SUCLG1: variants seen among roughly 807,000 people sequenced by gnomAD.
SUCLG1 encodes succinate-CoA ligase GDP/ADP-forming subunit alpha.
SUCLG1 carries 26 observed loss-of-function variants against 37.3 expected under a neutral mutation model. That is an observed-to-expected ratio of 0.70 (90% CI 0.51 to 0.97). The LOEUF (loss-of-function observed/expected upper bound fraction) is 0.97, where lower values mean the gene tolerates loss of function less well. SUCLG1 is among the 50% of genes least tolerant of loss of function. The probability of loss-of-function intolerance (pLI) is 0.00; values close to 1 mark genes in which losing one functional copy is unlikely to be tolerated. For synonymous variants in SUCLG1, 163 were observed against 155.6 expected (o/e 1.05, Z -0.36); for missense variants, 433 against 432.9 (o/e 1.00, Z 0.00).
At chr2:84,449,793 A>T in intron 1 of SUCLG1, 41 bp from the exon 2 acceptor site, 1 of 1,382,748 alleles carries the variant, frequency 7.2e-7, no homozygotes, top group Non-Finnish European at 1.0e-6. Flanking sequence ...AAAAAGACAC[A>T]TTATAATTTT....
chr2:84,436,450 G>A (rs1232754723), intron 5 of SUCLG1, among the ~76,000 whole-genome samples: 1 of 152,128 alleles, frequency 6.6e-6, no homozygotes, highest in Non-Finnish European at 1.5e-5. Context: ...CAGAAGGCAA[G>A]ACAGTGCCTC....
At position 84,431,504 on chromosome 2, in the gene SUCLG1, T is replaced by C; in HGVS notation, c.825+4A>G. 1.2e-6 allele frequency: 2 copies of C among 1,613,944 alleles called. No individual in the cohort carries two copies. The highest frequency in any genetic ancestry group is 8.5e-7 in the Non-Finnish European group (1 of 1,179,858). Reference sequence around the variant, plus strand: ...GAGCTATGTTTTTCCAAACCCAAACTTACTGAATTATGTTGCTTCAAAAAT... The same window carrying C: ...GAGCTATGTTTTTCCAAACCCAAACCTACTGAATTATGTTGCTTCAAAAAT... On this transcript the variant is annotated splice_donor_region_variant and intron_variant, in intron 7 of 8. Coordinates refer to ENST00000393868, the MANE Select transcript of SUCLG1 (RefSeq NM_003849.4).
At chr2:84,454,748 T>C (rs1297713345) in intron 1 of SUCLG1, among the ~76,000 whole-genome samples, 2 of 152,206 alleles carry the variant, frequency 1.3e-5, no homozygotes, top group African/African-American at 4.8e-5. Flanking sequence ...CACATACTGG[T>C]CCTCTTTACC....
intron 1 of SUCLG1, among the ~76,000 whole-genome samples, chr2:84,455,247 A>G (rs1224555748): frequency 6.6e-6 from 1 of 152,196 alleles, no homozygotes; most frequent in Non-Finnish European, 1.5e-5. Flanking sequence ...AATTACTGGT[A>G]AAAAAGAAAA....
At chr2:84,439,856 C>G (rs1186005258) in intron 5 of SUCLG1, among the ~76,000 whole-genome samples, 1 of 152,218 alleles carries the variant, frequency 6.6e-6, no homozygotes, top group Non-Finnish European at 1.5e-5. Context: ...ATTTTCCTGA[C>G]AGGCCATCTG....
intron 1 of SUCLG1, among the ~76,000 whole-genome samples, chr2:84,454,228 A>G (rs1672985572): frequency 6.6e-6 from 1 of 152,208 alleles, no homozygotes; most frequent in Admixed American, 6.5e-5. Context: ...TGTACATCTT[A>G]TATGTTTATT....
chr2:84,428,815 T>C (rs144017070), intron 7 of SUCLG1, among the ~76,000 whole-genome samples: 7 of 152,278 alleles, frequency 4.6e-5, no homozygotes, highest in East Asian at 1.9e-4. Context: ...ATGCCCAGGA[T>C]TGATGACTCT....
At chr2:84,451,628 C>T (rs546359962) in intron 1 of SUCLG1, among the ~76,000 whole-genome samples, 2 of 152,272 alleles carry the variant, frequency 1.3e-5, no homozygotes, top group East Asian at 1.9e-4. Context: ...TTTACAACAT[C>T]AGATCTTTGG....
intron 5 of SUCLG1, among the ~76,000 whole-genome samples, chr2:84,435,554 C>A (rs769295246): frequency 6.6e-6 from 1 of 152,180 alleles, no homozygotes; most frequent in Non-Finnish European, 1.5e-5. Flanking sequence ...GCCTGCTGAC[C>A]GTCTGCAAGA....
intron 2 of SUCLG1, among the ~76,000 whole-genome samples, chr2:84,445,164 T>C (rs1357491420): frequency 2.6e-5 from 4 of 152,200 alleles, no homozygotes; most frequent in Admixed American, 2.6e-4. Context: ...CATCACAATT[T>C]ATGTTCAGAG....
chr2:84,459,158 A>C lies in SUCLG1; in HGVS notation c.97+15T>G. 8 of 1,548,038 alleles carry C rather than the reference A, an allele frequency of 5.2e-6. No homozygotes were observed. The highest frequency in any genetic ancestry group is 1.2e-5 in the South Asian group (1 of 83,910). ...AACCCGCGGGCGCCAGGAAGACAGT[A>C]CTGGCTGGACTCACGGAGGAAGCTG... is the stretch of plus-strand genomic sequence containing the variant. On this transcript the variant is annotated intron_variant, in intron 1 of 8. Coordinates refer to ENST00000393868, the MANE Select transcript of SUCLG1 (RefSeq NM_003849.4).
At chr2:84,448,520 CAAAAA>C (rs59457991) in intron 2 of SUCLG1, among the ~76,000 whole-genome samples, 101,406 of 125,200 alleles carry the variant, frequency 0.81, 41,542 homozygotes, top group Non-Finnish European at 0.89. Flanking sequence ...CTTAAATTAC[CAAAAA>C]AAAAAAAAAA....
chr2:84,449,049 A>G (rs962328694), intron 2 of SUCLG1: 5 of 260,536 alleles, frequency 1.9e-5, no homozygotes, highest in African/African-American at 4.7e-5. Flanking sequence ...CACAAAATCT[A>G]TGAAAAGAAC....
intron 8 of SUCLG1, among the ~76,000 whole-genome samples, chr2:84,424,669 T>C (rs931960464): frequency 2.0e-5 from 3 of 152,302 alleles, no homozygotes; most frequent in Non-Finnish European, 2.9e-5. Flanking sequence ...AGATTTTTTG[T>C]TGTTTTTTGC....
At chr2:84,432,172 G>T in intron 6 of SUCLG1, 1 of 173,030 alleles carries the variant, frequency 5.8e-6, no homozygotes, top group Non-Finnish European at 1.2e-5. Flanking sequence ...GACTGCTCGT[G>T]TTCTGGATCC....
At chr2:84,437,813 G>C (rs796687902) in intron 5 of SUCLG1, among the ~76,000 whole-genome samples, 6 of 152,292 alleles carry the variant, frequency 3.9e-5, no homozygotes, top group African/African-American at 1.4e-4. Context: ...AAACAACCCA[G>C]ATGTCTCTCA....
At chr2:84,428,623 T>A (rs1672570593) in intron 7 of SUCLG1, among the ~76,000 whole-genome samples, 1 of 152,226 alleles carries the variant, frequency 6.6e-6, no homozygotes, top group Non-Finnish European at 1.5e-5. Flanking sequence ...GGCAAACAAA[T>A]TTGCATCTGT....
At chr2:84,426,042 T>C (rs1282586259) in intron 7 of SUCLG1, 1 of 241,938 alleles carries the variant, frequency 4.1e-6, no homozygotes, top group Non-Finnish European at 8.1e-6. Context: ...GGAAGTATAC[T>C]GGAAAGGACC....
intron 1 of SUCLG1, among the ~76,000 whole-genome samples, chr2:84,453,039 C>A (rs1452700896): frequency 6.6e-6 from 1 of 152,134 alleles, no homozygotes; most frequent in South Asian, 2.1e-4. Flanking sequence ...CATGGAAGTT[C>A]GGCCCTAAAA....
Sources: allele counts gnomAD v4.1 joint callset (sites outside exome capture counted in the v4.1 genomes callset), GRCh38; gene constraint gnomAD v4.1.1; transcripts MANE v1.5; gene names NCBI Gene and HGNC (gene_info 2026-07-23, HGNC 2026-07-21).